RABGAP1L: variants seen among roughly 807,000 people sequenced by gnomAD.
RABGAP1L encodes rab GTPase-activating protein 1-like.
A neutral mutation model predicts 137.7 loss-of-function variants in RABGAP1L; 63 were observed. That is an observed-to-expected ratio of 0.46 (90% CI 0.37 to 0.56). RABGAP1L has a LOEUF of 0.56. Among genes scored for constraint, RABGAP1L ranks in the 20% least tolerant of loss-of-function variants. The probability of loss-of-function intolerance (pLI) is 0.00; values close to 1 mark genes in which losing one functional copy is unlikely to be tolerated. For missense variants in RABGAP1L, 1,095 were observed against 1,244.0 expected (o/e 0.88, Z 1.80); for synonymous variants, 431 against 433.7 (o/e 0.99, Z 0.08).
chr1:174,565,035 A>G (rs192337673), intron 13 of RABGAP1L, among the ~76,000 whole-genome samples: 1 of 152,296 alleles, frequency 6.6e-6, no homozygotes, highest in Admixed American at 6.5e-5. Flanking sequence ...ATTCTTTTTA[A>G]AAGGACAGAG....
intron 13 of RABGAP1L, among the ~76,000 whole-genome samples, chr1:174,519,182 GTAAA>G (rs1164803755): frequency 6.7e-6 from 1 of 150,140 alleles, no homozygotes; most frequent in East Asian, 1.9e-4. Flanking sequence ...ACTCCCATGT[GTAAA>G]TATATATATA....
chr1:174,961,954 G>A (rs552013805), intron 20 of RABGAP1L, among the ~76,000 whole-genome samples: 1 of 151,230 alleles, frequency 6.6e-6, no homozygotes, highest in East Asian at 1.9e-4. Flanking sequence ...CAGGAGAATC[G>A]AGACCATCCT....
chr1:174,218,963 G>A (rs76709588), intron 1 of RABGAP1L, among the ~76,000 whole-genome samples, 162 bp from the exon 2 acceptor site: 19 of 152,174 alleles, frequency 1.2e-4, no homozygotes, highest in African/African-American at 4.6e-4. Context: ...CCATTAAGTG[G>A]CTCAGTCCAA....
In RABGAP1L at chr1:174,910,819, G is replaced by A. The variant is rs557433838; in HGVS notation, c.2341-46638G>A. 2.0e-5 allele frequency among the ~76,000 whole-genome samples: 3 copies of A among 152,290 alleles called. No homozygotes were observed. The East Asian group carries it at 5.8e-4, about 29-fold the overall frequency. The stretch of plus-strand genomic sequence containing the variant: ...TTCAGTTATTTTGGGTATATACCTA[G>A]GAGTGGAATTGCTTGCTTAAATCAT... On this transcript the variant is annotated intron_variant, in intron 19 of 25. Coordinates refer to ENST00000681986, the MANE Select transcript of RABGAP1L (RefSeq NM_001366446.1).
Position 174,520,520 on chromosome 1 carries a change from A to G in RABGAP1L, c.1711-116855A>G, listed in dbSNP as rs574569796. 6.6e-5 allele frequency among the ~76,000 whole-genome samples: 10 copies of G among 152,368 alleles called. No homozygotes were observed. The East Asian group carries it at 1.3e-3, about 21-fold the overall frequency. On this transcript the variant is annotated intron_variant, in intron 13 of 25. Transcript: ENST00000681986. Reference sequence around the variant, plus strand: ...TCTCACTAATCATTTCTTGACTGCTATAGAAACAGCACAACATAACTCTAC... The same window carrying G: ...TCTCACTAATCATTTCTTGACTGCTGTAGAAACAGCACAACATAACTCTAC...
intron 1 of RABGAP1L, among the ~76,000 whole-genome samples, chr1:174,176,711 C>CAG (rs1558005325): frequency 9.4e-5 from 1 of 10,614 alleles, no homozygotes; most frequent in East Asian, 3.2e-3. Flanking sequence ...GACCCTTTTT[C>CAG]AGAAAAAAAA....
chr1:174,868,497 C>G (rs1289007322), intron 19 of RABGAP1L, among the ~76,000 whole-genome samples: 2 of 152,106 alleles, frequency 1.3e-5, no homozygotes, highest in Non-Finnish European at 2.9e-5. Flanking sequence ...TCTGAGTTAG[C>G]TGCTACTCTA....
chr1:174,463,315 T>C (rs1483639447), intron 13 of RABGAP1L, among the ~76,000 whole-genome samples: 2 of 149,848 alleles, frequency 1.3e-5, no homozygotes, highest in East Asian at 4.1e-4. Flanking sequence ...ATATACACCA[T>C]GGAATACTAT....
rs1166364912 is a variant in RABGAP1L at position 174,590,123 on chromosome 1, C to CTTTTTTTTT, written c.1711-47232_1711-47224dup. On this transcript the variant is annotated intron_variant, in intron 13 of 25. Coordinates refer to ENST00000681986, the MANE Select transcript of RABGAP1L (RefSeq NM_001366446.1). ...CCATTTTTTGTGACCTCTTCAGTTT[C>CTTTTTTTTT]TTTTTTTTTTTTTTTTTTTTTTTTT... is the stretch of plus-strand genomic sequence containing the variant. Among the ~76,000 whole-genome samples the CTTTTTTTTT allele has an allele frequency of 5.5e-4, 33 of 59,808 alleles. 1 individual carries two copies. Among genetic ancestry groups the CTTTTTTTTT allele is most frequent in the Non-Finnish European group, 8.5e-4 (27 of 31,730 alleles). 39.2% of individuals were successfully genotyped at this position (59,808 alleles called of 152,430 possible). A position where few individuals can be genotyped will look rare whatever the true frequency, so the allele number is the denominator to read the frequency against.
chr1:174,957,224 C>G (rs1668624122), intron 19 of RABGAP1L, among the ~76,000 whole-genome samples: 1 of 152,150 alleles, frequency 6.6e-6, no homozygotes, highest in South Asian at 2.1e-4. Flanking sequence ...ATAATAATGA[C>G]AGAGTTGAAT....
chr1:174,966,479 C>T (rs1363329486), intron 20 of RABGAP1L, among the ~76,000 whole-genome samples: 1 of 151,840 alleles, frequency 6.6e-6, no homozygotes, highest in Non-Finnish European at 1.5e-5. Flanking sequence ...TTTTTTTAAT[C>T]TAAGTTTCCT....
chr1:174,648,170 AGTT>A (rs1675150517), intron 14 of RABGAP1L, among the ~76,000 whole-genome samples: 1 of 151,596 alleles, frequency 6.6e-6, no homozygotes, highest in African/African-American at 2.4e-5. Flanking sequence ...GGATTCATTG[AGTT>A]TTTTTTGAAG....
chr1:174,903,006 G>A (rs770407411), intron 19 of RABGAP1L, among the ~76,000 whole-genome samples: 13 of 152,194 alleles, frequency 8.5e-5, no homozygotes, highest in Non-Finnish European at 1.8e-4. Context: ...AAGGAAACTG[G>A]CTAAGACATC....
chr1:174,343,790 C>G (rs1682192488), intron 11 of RABGAP1L, among the ~76,000 whole-genome samples: 1 of 152,044 alleles, frequency 6.6e-6, no homozygotes, highest in African/African-American at 2.4e-5. Flanking sequence ...GGATTTTTAT[C>G]TGTTAAGCAG....
intron 14 of RABGAP1L, among the ~76,000 whole-genome samples, chr1:174,671,715 G>T (rs12024973): frequency 6.6e-6 from 1 of 152,108 alleles, no homozygotes; most frequent in Non-Finnish European, 1.5e-5. Flanking sequence ...TTAGTATTTT[G>T]TTGAGGATAT....
intron 19 of RABGAP1L, among the ~76,000 whole-genome samples, chr1:174,822,794 G>A (rs529652667): frequency 3.9e-5 from 6 of 152,304 alleles, no homozygotes; most frequent in South Asian, 2.1e-4. Context: ...GTACTGGTCC[G>A]CTGCCTGGTG....
At chr1:174,473,896 G>A (rs1303757172) in intron 13 of RABGAP1L, among the ~76,000 whole-genome samples, 1 of 152,106 alleles carries the variant, frequency 6.6e-6, no homozygotes, top group Non-Finnish European at 1.5e-5. Flanking sequence ...TGAATGATCA[G>A]GAAATTAATC....
chr1:174,292,019 T>TTTATTATTATTATTATTA lies in RABGAP1L; in HGVS notation c.1324-12946_1324-12929dup, dbSNP rs60906954. Among the ~76,000 whole-genome samples the TTTATTATTATTATTATTA allele has an allele frequency of 2.7e-3, 373 of 139,036 alleles. 2 individuals carry two copies. Among genetic ancestry groups the TTTATTATTATTATTATTA allele is most frequent in the African/African-American group, 6.0e-3 (222 of 36,762 alleles). The allele number at this position is 139,036 out of a possible 152,430, so 91.2% of individuals were successfully genotyped here. ...CTGGCTTCATGTGAAGATTAGATCA[T>TTTATTATTATTATTATTA]TTATTATTATTATTATTATTATTAT... On this transcript the variant is annotated intron_variant, in intron 10 of 25. Transcript: ENST00000681986.
At chr1:174,437,093 G>C (rs1179355513) in intron 13 of RABGAP1L, among the ~76,000 whole-genome samples, 1 of 152,086 alleles carries the variant, frequency 6.6e-6, no homozygotes, top group South Asian at 2.1e-4. Flanking sequence ...AAAGACCAAA[G>C]GTAGATAAAA....
Sources: allele counts gnomAD v4.1 joint callset (sites outside exome capture counted in the v4.1 genomes callset), GRCh38; gene constraint gnomAD v4.1.1; transcripts MANE v1.5; gene names NCBI Gene and HGNC (gene_info 2026-07-23, HGNC 2026-07-21).